Variants in PLPP4 observed in about 807,000 individuals in gnomAD.
PLPP4 encodes the protein diacylglycerol pyrophosphate like 2.
Under a neutral mutation model 32.2 loss-of-function variants are expected in PLPP4, and 20 were observed. The ratio of observed to expected loss-of-function variants is 0.62; its 90% CI spans 0.44 to 0.90. The LOEUF is 0.90. Ranked by LOEUF, PLPP4 falls within the 40% of genes least tolerant of loss-of-function variation. PLPP4 has a pLI of 0.00. For missense variants in PLPP4, 257 were observed against 353.1 expected (o/e 0.73, Z 2.18); for synonymous variants, 127 against 133.0 (o/e 0.95, Z 0.31).
At chr10:120,557,069 A>C (rs1024808014) in intron 5 of PLPP4, among the ~76,000 whole-genome samples, 6 of 152,174 alleles carry the variant, frequency 3.9e-5, no homozygotes, top group Non-Finnish European at 7.3e-5. Context: ...ATTCTCAAGG[A>C]AAATAAATAA....
At chr10:120,583,782 A>G (rs1410567498) in intron 6 of PLPP4, among the ~76,000 whole-genome samples, 5 of 152,240 alleles carry the variant, frequency 3.3e-5, no homozygotes. Context: ...TTTACTGAAT[A>G]AAAGTCGGCT....
At chr10:120,544,880 T>C (rs1847538459) in intron 5 of PLPP4, among the ~76,000 whole-genome samples, 1 of 152,208 alleles carries the variant, frequency 6.6e-6, no homozygotes, top group South Asian at 2.1e-4. Flanking sequence ...AACCAGGGAA[T>C]AGGATGATGC....
intron 3 of PLPP4, among the ~76,000 whole-genome samples, chr10:120,517,153 G>A (rs894929191): frequency 1.3e-5 from 2 of 152,170 alleles, no homozygotes; most frequent in Non-Finnish European, 2.9e-5. Flanking sequence ...TACATGGGGC[G>A]ATAGGGAATT....
chr10:120,520,999 T>A lies in PLPP4; in HGVS notation c.349T>A (p.Phe117Ile). Residue 117 changes from phenylalanine to isoleucine, a missense_variant, in exon 5 of 7, where the codon TTT becomes ATT. By Grantham distance (21) the Phe-to-Ile change is conservative (BLOSUM62 0). Transcript: ENST00000398250. Reference sequence around the variant, plus strand: ...TCGCCCCGATTTCTTTTACCGCTGCTTTCCAGATGGAGTGATGAACTCGGA... The same window carrying A: ...TCGCCCCGATTTCTTTTACCGCTGCATTCCAGATGGAGTGATGAACTCGGA... Reference protein sequence around the residue: ...RPRPDFFYRCFPDGVMNSEMH... With the variant: ...RPRPDFFYRCIPDGVMNSEMH... 6.2e-7 allele frequency: 1 copy of A among 1,614,062 alleles called. No individual in the cohort carries two copies. The highest frequency in any genetic ancestry group is 8.5e-7 in the Non-Finnish European group (1 of 1,179,996).
At chr10:120,476,484 A>G (rs779178634) in intron 1 of PLPP4, among the ~76,000 whole-genome samples, 2 of 152,232 alleles carry the variant, frequency 1.3e-5, no homozygotes, top group African/African-American at 2.4e-5. Flanking sequence ...TCATTTGCCA[A>G]CAGGTGGCAC....
chr10:120,589,457 C>A lies in PLPP4; in HGVS notation c.771C>A (p.Ser257Arg), dbSNP rs1047369. Reference protein sequence around the residue: ...LKKEERPTADSAPSLPLEGIT... With the variant: ...LKKEERPTADRAPSLPLEGIT... ...AAGAGGAGAGGCCCACAGCTGACAGCGCACCCAGCTTGCCTCTGGAGGGGA... is the reference window on the plus strand; with the variant it reads ...AAGAGGAGAGGCCCACAGCTGACAGAGCACCCAGCTTGCCTCTGGAGGGGA... Residue 257 changes from serine (S) to arginine (R), a missense_variant, in exon 7 of 7, where the codon AGC becomes AGA. Coordinates refer to ENST00000398250, the MANE Select transcript of PLPP4 (RefSeq NM_001030059.3). The A allele has an allele frequency of 6.2e-7, 1 of 1,613,956 alleles. No individual in the cohort carries two copies. The highest frequency in any genetic ancestry group is 1.3e-5 in the African/African-American group (1 of 74,992).
intron 1 of PLPP4, among the ~76,000 whole-genome samples, chr10:120,497,732 G>C (rs532293626): frequency 3.9e-5 from 6 of 152,186 alleles, no homozygotes; most frequent in Admixed American, 2.0e-4. Context: ...GAGAAATTAA[G>C]ATACAAATAT....
intron 5 of PLPP4, among the ~76,000 whole-genome samples, chr10:120,524,749 A>T (rs1233225634): frequency 6.6e-6 from 1 of 152,170 alleles, no homozygotes; most frequent in Non-Finnish European, 1.5e-5. Context: ...CAGAGACCAC[A>T]ATTTCAAAGA....
chr10:120,537,224 A>G (rs1847073028), intron 5 of PLPP4, among the ~76,000 whole-genome samples: 1 of 152,244 alleles, frequency 6.6e-6, no homozygotes, highest in Admixed American at 6.5e-5. Flanking sequence ...AGTATGTCAA[A>G]GAGATATCTG....
At chr10:120,496,142 C>T (rs781408288) in intron 1 of PLPP4, among the ~76,000 whole-genome samples, 3 of 152,064 alleles carry the variant, frequency 2.0e-5, no homozygotes, top group Non-Finnish European at 2.9e-5. Flanking sequence ...ACTTTAAAGC[C>T]CCCTGGAGTC....
intron 2 of PLPP4, among the ~76,000 whole-genome samples, chr10:120,507,530 A>C (rs1471408463): frequency 1.3e-5 from 2 of 152,208 alleles, no homozygotes; most frequent in Admixed American, 1.3e-4. Context: ...AGAAAACAAA[A>C]CTGAGGAAAT....
At chr10:120,506,957 CT>C (rs1194488249) in intron 2 of PLPP4, among the ~76,000 whole-genome samples, 3 of 152,218 alleles carry the variant, frequency 2.0e-5, no homozygotes, top group African/African-American at 7.2e-5. Context: ...CTTAACATTT[CT>C]GGGATATGCC....
intron 6 of PLPP4, among the ~76,000 whole-genome samples, chr10:120,586,134 T>C (rs897345168): frequency 1.2e-5 from 1 of 80,662 alleles, no homozygotes; most frequent in African/African-American, 4.3e-5. Flanking sequence ...TTTCTTTTTT[T>C]CTTTTTTTTT....
At chr10:120,581,540 C>T (rs1342659850) in intron 6 of PLPP4, among the ~76,000 whole-genome samples, 1 of 152,216 alleles carries the variant, frequency 6.6e-6, no homozygotes, top group Admixed American at 6.5e-5. Flanking sequence ...TCTGCTCCCT[C>T]CGTACTTCTT....
chr10:120,517,115 G>C (rs1279143380), intron 3 of PLPP4, among the ~76,000 whole-genome samples: 2 of 152,164 alleles, frequency 1.3e-5, no homozygotes, highest in African/African-American at 4.8e-5. Flanking sequence ...AGTGATCCAT[G>C]TGGCTGTGTA....
intron 5 of PLPP4, among the ~76,000 whole-genome samples, chr10:120,569,553 T>A (rs1848838210): frequency 6.6e-6 from 1 of 152,232 alleles, no homozygotes. Context: ...TTGGAGTTCC[T>A]TTTCCTTTTC....
intron 6 of PLPP4, among the ~76,000 whole-genome samples, chr10:120,577,887 T>A (rs1849296623): frequency 6.6e-6 from 1 of 152,200 alleles, no homozygotes; most frequent in Admixed American, 6.5e-5. Context: ...TATCTGCCGC[T>A]GTCCACACCA....
intron 5 of PLPP4, among the ~76,000 whole-genome samples, chr10:120,544,965 G>A (rs959763932): frequency 1.3e-5 from 2 of 152,190 alleles, no homozygotes; most frequent in African/African-American, 4.8e-5. Context: ...TCAGGGCCAG[G>A]GATTCTCCCT....
chr10:120,569,886 G>A lies in PLPP4; in HGVS notation c.446-5245G>A, dbSNP rs536232988. On this transcript the variant is annotated intron_variant, in intron 5 of 6. Transcript: ENST00000398250. ...CTGATGGGCATGTCCCTAATTGGGGGTGTGAAAACAAACAGGCAGTTAGCA... is the reference window on the plus strand; with the variant it reads ...CTGATGGGCATGTCCCTAATTGGGGATGTGAAAACAAACAGGCAGTTAGCA... Among the ~76,000 whole-genome samples the A allele has an allele frequency of 4.6e-5, 7 of 152,304 alleles. No individual in the cohort carries two copies. In the South Asian group the frequency reaches 8.3e-4, roughly 18 times the overall value.
Sources: allele counts gnomAD v4.1 joint callset (sites outside exome capture counted in the v4.1 genomes callset), GRCh38; gene constraint gnomAD v4.1.1; transcripts MANE v1.5; gene names NCBI Gene and HGNC (gene_info 2026-07-23, HGNC 2026-07-21).